Variants in RABGAP1L observed in about 807,000 individuals in gnomAD.
The protein encoded by RABGAP1L is rab GTPase-activating protein 1-like.
Under a neutral mutation model 137.7 loss-of-function variants are expected in RABGAP1L, and 63 were observed. That is an observed-to-expected ratio of 0.46 (90% CI 0.37 to 0.56). RABGAP1L has a LOEUF of 0.56. Ranked by LOEUF, RABGAP1L falls within the 20% of genes least tolerant of loss-of-function variation. RABGAP1L has a pLI of 0.00. For synonymous variants in RABGAP1L, 431 were observed against 433.7 expected, an observed-to-expected ratio of 0.99 and a Z score of 0.08; for missense variants, 1,095 against 1,244.0, an observed-to-expected ratio of 0.88 and a Z score of 1.80.
intron 14 of RABGAP1L, among the ~76,000 whole-genome samples, chr1:174,644,993 A>G (rs1004569533): frequency 1.3e-5 from 2 of 152,184 alleles, no homozygotes; most frequent in Non-Finnish European, 2.9e-5. Flanking sequence ...GATCAAATGT[A>G]TAACATGAGC....
chr1:174,689,860 C>G (rs899516614), intron 15 of RABGAP1L, among the ~76,000 whole-genome samples: 43 of 152,136 alleles, frequency 2.8e-4, no homozygotes, highest in Non-Finnish European at 4.4e-4. Flanking sequence ...GTTTTGATAT[C>G]AGATGATGGG....
intron 13 of RABGAP1L, among the ~76,000 whole-genome samples, chr1:174,565,468 T>G (rs1191611242): frequency 6.6e-6 from 1 of 152,114 alleles, no homozygotes; most frequent in Non-Finnish European, 1.5e-5. Context: ...CCCACTTGTT[T>G]TTTGTTTGAC....
At chr1:174,258,306 A>G (rs1244198308) in intron 7 of RABGAP1L, among the ~76,000 whole-genome samples, 1 of 152,188 alleles carries the variant, frequency 6.6e-6, no homozygotes, top group Non-Finnish European at 1.5e-5. Context: ...TTTTTGTTAG[A>G]CTGGGTCTCA....
chr1:174,965,446 C>T (rs1240169355), intron 20 of RABGAP1L, among the ~76,000 whole-genome samples: 2 of 152,170 alleles, frequency 1.3e-5, no homozygotes, highest in Non-Finnish European at 2.9e-5. Context: ...TTTCCAAGAC[C>T]ATCAAAACCA....
chr1:174,647,729 G>C (rs1675099159), intron 14 of RABGAP1L, among the ~76,000 whole-genome samples: 1 of 152,134 alleles, frequency 6.6e-6, no homozygotes, highest in African/African-American at 2.4e-5. Flanking sequence ...CATAAAATGA[G>C]TTAGGGAGGA....
chr1:174,546,811 A>T (rs181452610), intron 13 of RABGAP1L, among the ~76,000 whole-genome samples: 5,257 of 152,008 alleles, frequency 0.035, 120 homozygotes, highest in Middle Eastern at 0.088. Flanking sequence ...CAGGCGGATC[A>T]CGAGGTCAGG....
chr1:174,905,855 A>T (rs1658979132), intron 19 of RABGAP1L, among the ~76,000 whole-genome samples: 1 of 152,082 alleles, frequency 6.6e-6, no homozygotes, highest in South Asian at 2.1e-4. Flanking sequence ...TGTCTAAAAA[A>T]AGAAAAAGAA....
chr1:174,571,915 C>T (rs1668007406), intron 13 of RABGAP1L, among the ~76,000 whole-genome samples: 1 of 152,106 alleles, frequency 6.6e-6, no homozygotes, highest in South Asian at 2.1e-4. Context: ...CAGGATTAGT[C>T]CCAAATACTC....
intron 18 of RABGAP1L, among the ~76,000 whole-genome samples, chr1:174,757,638 A>G (rs1029072539): frequency 6.6e-6 from 1 of 151,780 alleles, no homozygotes; most frequent in African/African-American, 2.4e-5. Flanking sequence ...ATATAAATAA[A>G]GCTCTTCAGC....
At chr1:174,743,752 CTACT>C (rs1475880501) in intron 17 of RABGAP1L, among the ~76,000 whole-genome samples, 2 of 151,992 alleles carry the variant, frequency 1.3e-5, no homozygotes, top group Non-Finnish European at 2.9e-5. Context: ...AGATATTTTA[CTACT>C]TAATCTGTAC....
intron 19 of RABGAP1L, among the ~76,000 whole-genome samples, chr1:174,929,565 G>A (rs1467369456): frequency 6.6e-6 from 1 of 151,830 alleles, no homozygotes; most frequent in Non-Finnish European, 1.5e-5. Context: ...AACATAACGA[G>A]ATCCTATCTC....
intron 13 of RABGAP1L, among the ~76,000 whole-genome samples, chr1:174,613,835 C>G (rs1052081043): frequency 1.3e-5 from 2 of 152,088 alleles, no homozygotes; most frequent in African/African-American, 2.4e-5. Flanking sequence ...CTCTTTTGAT[C>G]TTTGTTGGTG....
chr1:174,744,643 G>T (rs1173869791), intron 17 of RABGAP1L, among the ~76,000 whole-genome samples: 1 of 152,136 alleles, frequency 6.6e-6, no homozygotes, highest in African/African-American at 2.4e-5. Context: ...TTAATCATAA[G>T]GAACCAGTAG....
chr1:174,787,418 AAAAT>A (rs1573195577), intron 18 of RABGAP1L, among the ~76,000 whole-genome samples: 1 of 151,916 alleles, frequency 6.6e-6, no homozygotes, highest in Non-Finnish European at 1.5e-5. Context: ...AAAAAAAAAA[AAAAT>A]AAGAGAAAGT....
chr1:174,629,109 A>G (rs1673131808), intron 13 of RABGAP1L, among the ~76,000 whole-genome samples: 2 of 152,174 alleles, frequency 1.3e-5, no homozygotes, highest in Admixed American at 1.3e-4. Context: ...TTCCTTTTGC[A>G]GAATGTTAGG....
intron 19 of RABGAP1L, among the ~76,000 whole-genome samples, chr1:174,814,408 C>T (rs548999870): frequency 6.6e-6 from 1 of 151,914 alleles, no homozygotes; most frequent in Non-Finnish European, 1.5e-5. Context: ...CACGGGACAC[C>T]ATTTCATTTA....
At chr1:174,531,021 A>T (rs914567559) in intron 13 of RABGAP1L, among the ~76,000 whole-genome samples, 1 of 152,216 alleles carries the variant, frequency 6.6e-6, no homozygotes, top group Non-Finnish European at 1.5e-5. Flanking sequence ...TCATAGCAGT[A>T]AAAAGAACAG....
intron 11 of RABGAP1L, among the ~76,000 whole-genome samples, chr1:174,331,136 T>C (rs1379633947): frequency 6.6e-6 from 1 of 152,172 alleles, no homozygotes; most frequent in East Asian, 1.9e-4. Flanking sequence ...GATAGCTACA[T>C]GTAAAAGAAT....
chr1:174,681,827 T>C (rs1425207767), intron 14 of RABGAP1L, among the ~76,000 whole-genome samples: 1 of 152,198 alleles, frequency 6.6e-6, no homozygotes, highest in Non-Finnish European at 1.5e-5. Context: ...ATAAGCCTTG[T>C]CCTAGACAGA....
Sources: allele counts gnomAD v4.1 joint callset (sites outside exome capture counted in the v4.1 genomes callset), GRCh38; gene constraint gnomAD v4.1.1; transcripts MANE v1.5; gene names NCBI Gene and HGNC (gene_info 2026-07-23, HGNC 2026-07-21).